SPATA17: variants seen among roughly 807,000 people sequenced by gnomAD.
The protein encoded by SPATA17 is spermatogenesis-associated protein 17.
In SPATA17, 53 loss-of-function variants were observed where a neutral mutation model predicts 62.2. That is an observed-to-expected ratio of 0.85 (90% CI 0.68 to 1.07). The LOEUF (loss-of-function observed/expected upper bound fraction) is 1.07, where lower values mean the gene tolerates loss of function less well. SPATA17 is among the 50% of genes least tolerant of loss of function. The pLI is 0.00. For synonymous variants in SPATA17, 146 were observed against 146.8 expected (o/e 0.99, Z 0.04); for missense variants, 466 against 425.5 (o/e 1.10, Z -0.84).
intron 3 of SPATA17, among the ~76,000 whole-genome samples, chr1:217,657,002 T>C (rs1371312889): frequency 6.6e-6 from 1 of 152,212 alleles, no homozygotes; most frequent in Admixed American, 6.5e-5. Flanking sequence ...GGGACTTAAC[T>C]AGTGCCAGTG....
At chr1:217,773,508 G>T (rs768568064) in intron 6 of SPATA17, among the ~76,000 whole-genome samples, 1 of 151,894 alleles carries the variant, frequency 6.6e-6, no homozygotes, top group Non-Finnish European at 1.5e-5. Flanking sequence ...TCAAAATTTC[G>T]TTCTATGCAG....
intron 5 of SPATA17, among the ~76,000 whole-genome samples, chr1:217,696,226 G>A (rs957401315): frequency 4.6e-5 from 7 of 152,324 alleles, no homozygotes; most frequent in African/African-American, 1.7e-4. Context: ...TCTGAAAAGC[G>A]CAATATTCGG....
At chr1:217,774,927 T>C (rs184900178) in intron 7 of SPATA17, among the ~76,000 whole-genome samples, 13 of 152,354 alleles carry the variant, frequency 8.5e-5, no homozygotes, top group African/African-American at 2.9e-4. Context: ...GCGACCACAC[T>C]TTATGTATTG....
At chr1:217,809,941 A>G (rs933217166) in intron 9 of SPATA17, among the ~76,000 whole-genome samples, 1 of 152,086 alleles carries the variant, frequency 6.6e-6, no homozygotes, top group Admixed American at 6.6e-5. Flanking sequence ...TCTGTATCCC[A>G]TTTTCTCTTT....
intron 9 of SPATA17, among the ~76,000 whole-genome samples, chr1:217,855,783 CT>C (rs1433955246): frequency 7.1e-6 from 1 of 140,562 alleles, no homozygotes; most frequent in Non-Finnish European, 1.5e-5. Context: ...CTGGAGTGCA[CT>C]GGCATGATCT....
intron 9 of SPATA17, among the ~76,000 whole-genome samples, chr1:217,819,212 G>A (rs1443445694): frequency 6.6e-6 from 1 of 151,200 alleles, no homozygotes; most frequent in Admixed American, 6.6e-5. Context: ...TTTTAATGAG[G>A]TTCTATTTTG....
Position 217,717,416 on chromosome 1 carries a change from C to T in SPATA17, c.396-24559C>T, listed in dbSNP as rs369276783. Among the ~76,000 whole-genome samples, 63 of 152,116 alleles carry T rather than the reference C, an allele frequency of 4.1e-4. No homozygotes were observed. The South Asian group carries it at 0.013, about 32-fold the overall frequency. Reference sequence around the variant, plus strand: ...CCTGAGGTCAGGAGTTCAAAACCAGCCTGGACAACATGGAGAAACCCCATT... The same window carrying T: ...CCTGAGGTCAGGAGTTCAAAACCAGTCTGGACAACATGGAGAAACCCCATT... On this transcript the variant is annotated intron_variant, in intron 5 of 10. Coordinates refer to ENST00000366933, the MANE Select transcript of SPATA17 (RefSeq NM_138796.4).
chr1:217,866,759 G>A (rs953007946), intron 10 of SPATA17: 1 of 152,000 alleles, frequency 6.6e-6, no homozygotes, highest in Non-Finnish European at 1.5e-5. Flanking sequence ...TCCGGGGCTA[G>A]GACCTCCTAA....
intron 9 of SPATA17, among the ~76,000 whole-genome samples, chr1:217,838,536 A>G (rs530516155): frequency 2.9e-4 from 44 of 152,230 alleles, no homozygotes; most frequent in African/African-American, 1.0e-3. Flanking sequence ...ATTAACTAAT[A>G]GTAAATCCAA....
At chr1:217,840,623 T>G (rs1170368331) in intron 9 of SPATA17, among the ~76,000 whole-genome samples, 1 of 151,960 alleles carries the variant, frequency 6.6e-6, no homozygotes, top group Admixed American at 6.6e-5. Flanking sequence ...TTTGGGAGGC[T>G]GAGGAGGGCA....
At chr1:217,680,900 G>A (rs992161059) in intron 4 of SPATA17, among the ~76,000 whole-genome samples, 11 of 131,584 alleles carry the variant, frequency 8.4e-5, no homozygotes, top group Admixed American at 5.8e-4. Context: ...ACTCCAGACT[G>A]GGTGACAGAG....
At chr1:217,633,752 T>C (rs1480326617) in intron 1 of SPATA17, among the ~76,000 whole-genome samples, 2 of 152,230 alleles carry the variant, frequency 1.3e-5, no homozygotes, top group Admixed American at 1.3e-4. Context: ...TTTCTTTCAA[T>C]GTCTTCTGTT....
chr1:217,816,473 C>CCTT (rs1248963319), intron 9 of SPATA17, among the ~76,000 whole-genome samples: 1 of 151,626 alleles, frequency 6.6e-6, no homozygotes, highest in African/African-American at 2.4e-5. Context: ...ATATATTCAA[C>CCTT]CTTCTATCTT....
Position 217,868,724 on chromosome 1 carries a change from G to A in SPATA17, c.*1705G>A, listed in dbSNP as rs957261497. 1 of 137,310 alleles carries A rather than the reference G, an allele frequency of 7.3e-6. No homozygotes were observed. The highest frequency in any genetic ancestry group is 1.5e-5 in the Non-Finnish European group (1 of 65,974). 8.5% of individuals were successfully genotyped at this position (137,310 alleles called of 1,614,324 possible). On this transcript the variant is annotated 3_prime_UTR_variant, in exon 11 of 11. Transcript: ENST00000366933. Reference sequence around the variant, plus strand: ...AGACAGAGTCTCATTCTGTCACCCAGGTTGGAGTGCAGTGGCATGAACTCA... The same window carrying A: ...AGACAGAGTCTCATTCTGTCACCCAAGTTGGAGTGCAGTGGCATGAACTCA...
chr1:217,697,619 T>G (rs1336854843), intron 5 of SPATA17, among the ~76,000 whole-genome samples: 4 of 152,112 alleles, frequency 2.6e-5, no homozygotes, highest in Non-Finnish European at 5.9e-5. Context: ...TATTATCTTT[T>G]TTATAATATA....
chr1:217,745,169 C>G (rs1436488811), intron 6 of SPATA17, among the ~76,000 whole-genome samples: 1 of 152,154 alleles, frequency 6.6e-6, no homozygotes, highest in Admixed American at 6.5e-5. Flanking sequence ...ATTGTATTCT[C>G]AAATCGCTTC....
intron 9 of SPATA17, among the ~76,000 whole-genome samples, chr1:217,844,203 A>G (rs1675472628): frequency 1.3e-5 from 2 of 152,120 alleles, no homozygotes. Context: ...TGCATATGCA[A>G]GTATATCATA....
intron 1 of SPATA17, among the ~76,000 whole-genome samples, chr1:217,634,714 T>C (rs1262754818): frequency 6.6e-6 from 1 of 152,182 alleles, no homozygotes; most frequent in African/African-American, 2.4e-5. Flanking sequence ...AGGCCTATTA[T>C]CATCTTTGTT....
intron 5 of SPATA17, among the ~76,000 whole-genome samples, chr1:217,725,954 ATTGTATTTTTCTG>A (rs1259354036): frequency 6.6e-6 from 1 of 152,104 alleles, no homozygotes; most frequent in African/African-American, 2.4e-5. Context: ...TTCTAGAAAT[ATTGTATTTTTCTG>A]TTGTATTTGT....
Sources: allele counts gnomAD v4.1 joint callset (sites outside exome capture counted in the v4.1 genomes callset), GRCh38; gene constraint gnomAD v4.1.1; transcripts MANE v1.5; gene names NCBI Gene and HGNC (gene_info 2026-07-23, HGNC 2026-07-21).